Variants in DCAF1 observed in about 807,000 individuals in gnomAD.
The protein encoded by DCAF1 is DDB1- and CUL4-associated factor 1.
Under a neutral mutation model 128.0 loss-of-function variants are expected in DCAF1, and 15 were observed. That is an observed-to-expected ratio of 0.12 (90% CI 0.08 to 0.18). The LOEUF (loss-of-function observed/expected upper bound fraction) is 0.18, where lower values mean the gene tolerates loss of function less well. DCAF1 is among the 10% of genes least tolerant of loss of function. The pLI is 1.00. For missense variants in DCAF1, 988 were observed against 1,649.5 expected, an observed-to-expected ratio of 0.60 and a Z score of 6.95; for synonymous variants, 610 against 603.0, an observed-to-expected ratio of 1.01 and a Z score of -0.17.
In DCAF1 at chr3:51,487,853, TA is replaced by T. The variant is rs1707153993; in HGVS notation, c.-8-4018del. 3.8e-5 allele frequency among the ~76,000 whole-genome samples: 5 copies of T among 130,432 alleles called. No homozygotes were observed. In the South Asian group the frequency reaches 1.2e-3, roughly 30 times the overall value. 85.6% of individuals were successfully genotyped at this position (130,432 alleles called of 152,430 possible). A position where few individuals can be genotyped will look rare whatever the true frequency, so the allele number is the denominator to read the frequency against. ...ACCACGCCCAGCCTACCAAACTATT[TA>T]TTTATTTATTTATTTATTTATTTAT... On this transcript the variant is annotated intron_variant, in intron 2 of 24. Transcript: ENST00000684031.
chr3:51,437,021 G>A (rs545602044), intron 9 of DCAF1, among the ~76,000 whole-genome samples: 21 of 152,242 alleles, frequency 1.4e-4, no homozygotes, highest in African/African-American at 5.1e-4. Flanking sequence ...CCAGCACTTT[G>A]GGAGGCTGAG....
chr3:51,453,902 G>A lies in DCAF1; in HGVS notation c.375+9212C>T, dbSNP rs541095445. Among the ~76,000 whole-genome samples, 392 of 151,132 alleles carry A rather than the reference G, an allele frequency of 2.6e-3. 1 individual carries two copies. Among genetic ancestry groups the A allele is most frequent in the Admixed American group, 6.0e-3 (91 of 15,154 alleles). ...CGGGAGGCAGAGGTTGCAGTGGCCCGAGATCGCGCCACTGCCTCCAGCCTG... is the reference window on the plus strand; with the variant it reads ...CGGGAGGCAGAGGTTGCAGTGGCCCAAGATCGCGCCACTGCCTCCAGCCTG... On this transcript the variant is annotated intron_variant, in intron 6 of 24. Transcript: ENST00000684031.
At chr3:51,429,894 A>C in intron 11 of DCAF1, 139 bp downstream of exon 11, 2 of 594,508 alleles carry the variant, frequency 3.4e-6, no homozygotes, top group South Asian at 4.6e-5. Flanking sequence ...GAAAGGGAAA[A>C]AAAAAAAACT....
chr3:51,503,751 G>T (rs1455884244), upstream of DCAF1, among the ~76,000 whole-genome samples: 2 of 152,142 alleles, frequency 1.3e-5, no homozygotes, highest in Non-Finnish European at 2.9e-5. Context: ...AATGAGGAGA[G>T]GGAACGCCAC....
Position 51,495,256 on chromosome 3 carries a change from A to C in DCAF1, c.-9+1478T>G, listed in dbSNP as rs532257012. ...GGAGAATCGCTTGAACCCGGGAGGC[A>C]GAAGTTGCAGTGAGCCGAGATTGCA... is the stretch of plus-strand genomic sequence containing the variant. On this transcript the variant is annotated intron_variant, in intron 2 of 24. Coordinates refer to ENST00000684031, the MANE Select transcript of DCAF1 (RefSeq NM_001387579.1). Among the ~76,000 whole-genome samples the C allele has an allele frequency of 3.9e-5, 6 of 152,222 alleles. No homozygotes were observed. The South Asian group carries it at 1.0e-3, about 26-fold the overall frequency.
chr3:51,485,607 C>T (rs1706841205), intron 2 of DCAF1, among the ~76,000 whole-genome samples: 1 of 152,190 alleles, frequency 6.6e-6, no homozygotes, highest in African/African-American at 2.4e-5. Flanking sequence ...GAAACAGCAA[C>T]CATTCCATAA....
At chr3:51,497,294 A>G (rs1708330835) in intron 1 of DCAF1, among the ~76,000 whole-genome samples, 1 of 151,300 alleles carries the variant, frequency 6.6e-6, no homozygotes, top group South Asian at 2.1e-4. Flanking sequence ...GACTGTCTCA[A>G]AAAAAATAAA....
chr3:51,414,608 T>C lies in DCAF1; in HGVS notation c.3837+16A>G, dbSNP rs933105699. The C allele has an allele frequency of 1.4e-5, 22 of 1,606,388 alleles. No individual in the cohort carries two copies. The highest frequency in any genetic ancestry group is 1.9e-5 in the Non-Finnish European group (22 of 1,173,828). On this transcript the variant is annotated intron_variant, in intron 19 of 24. Coordinates refer to ENST00000684031, the MANE Select transcript of DCAF1 (RefSeq NM_001387579.1). The stretch of plus-strand genomic sequence containing the variant: ...CAGACAACAAATGGAAGGTAAGACA[T>C]GAGTATAAAGGATACAATCTCAGTA...
intron 13 of DCAF1, among the ~76,000 whole-genome samples, chr3:51,426,632 G>T (rs1476319757): frequency 2.6e-5 from 4 of 152,100 alleles, no homozygotes; most frequent in Non-Finnish European, 4.4e-5. Context: ...AAGGTATCTT[G>T]AAACCAAAAA....
At position 51,413,440 on chromosome 3, in the gene DCAF1, T is replaced by A. The variant is rs1044273801; in HGVS notation, c.3932-54A>T. On this transcript the variant is annotated intron_variant, in intron 20 of 24. Transcript: ENST00000684031. ...ATTAGGAATCACAAACATCCCCTCT[T>A]CACAAGTGCAGAAAATGTTAATGGC... 25 of 1,565,876 alleles carry A rather than the reference T, an allele frequency of 1.6e-5. No homozygotes were observed. The East Asian group carries it at 3.9e-4, about 25-fold the overall frequency.
At chr3:51,474,495 T>C (rs1705188935) in intron 3 of DCAF1, among the ~76,000 whole-genome samples, 1 of 152,176 alleles carries the variant, frequency 6.6e-6, no homozygotes, top group African/African-American at 2.4e-5. Flanking sequence ...TCAAGCTTCA[T>C]AAGTATTTCT....
intron 4 of DCAF1, 67 bp downstream of exon 4, chr3:51,470,862 C>A: frequency 8.4e-7 from 1 of 1,185,644 alleles, no homozygotes; most frequent in Non-Finnish European, 1.2e-6. Context: ...AAAAAAAAGA[C>A]CCTCGCTTTA....
intron 6 of DCAF1, among the ~76,000 whole-genome samples, chr3:51,460,004 G>A (rs1285682024): frequency 6.6e-6 from 1 of 152,154 alleles, no homozygotes; most frequent in African/African-American, 2.4e-5. Flanking sequence ...CACAAGACAG[G>A]GATGCCCTCT....
intron 24 of DCAF1, among the ~76,000 whole-genome samples, chr3:51,402,566 A>ATTTTTTTTTTTTT (rs540396047): frequency 2.4e-5 from 2 of 84,984 alleles, no homozygotes; most frequent in Non-Finnish European, 4.0e-5. Context: ...CCTACAAAGC[A>ATTTTTTTTTTTTT]TTTTTTTTTT....
intron 2 of DCAF1, among the ~76,000 whole-genome samples, chr3:51,489,939 G>A (rs1707440855): frequency 1.3e-5 from 2 of 151,838 alleles, no homozygotes; most frequent in South Asian, 4.1e-4. Flanking sequence ...AAATCCTAAA[G>A]AATCCACATA....
In DCAF1 at chr3:51,441,673, G is replaced by A; in HGVS notation, c.738C>T (p.Gly246=). 1 of 1,613,814 alleles carries A rather than the reference G, an allele frequency of 6.2e-7. No homozygotes were observed. Among genetic ancestry groups the A allele is most frequent in the Non-Finnish European group, 8.5e-7 (1 of 1,179,864 alleles). Reference sequence around the variant, plus strand: ...AGTTCACTCTGCTACTAGTCTTGTGGCCTGAATCAAGATGAAAGGAGATCT... The same window carrying A: ...AGTTCACTCTGCTACTAGTCTTGTGACCTGAATCAAGATGAAAGGAGATCT... ...DMEISFHLDS[G]HKTSSRVNST... Residue 246 remains glycine, a synonymous_variant, in exon 8 of 25, where the codon GGC becomes GGT. Transcript: ENST00000684031.
chr3:51,421,665 T>G (rs1699403215), intron 14 of DCAF1, among the ~76,000 whole-genome samples: 1 of 152,188 alleles, frequency 6.6e-6, no homozygotes, highest in African/African-American at 2.4e-5. Context: ...TTAAGAAAAT[T>G]AAAAACCAAG....
chr3:51,436,501 T>C (rs375296439), intron 9 of DCAF1: 21 of 496,554 alleles, frequency 4.2e-5, no homozygotes, highest in African/African-American at 3.5e-4. Flanking sequence ...AGTAATTTTA[T>C]GCAGCAGGGT....
chr3:51,493,140 T>A (rs1224105996), intron 2 of DCAF1, among the ~76,000 whole-genome samples: 3 of 151,592 alleles, frequency 2.0e-5, no homozygotes, highest in Non-Finnish European at 4.4e-5. Context: ...CTACTAGATA[T>A]ATACCCAAAA....
Sources: gnomAD v4.1 joint callset for allele counts (sites outside exome capture counted in the v4.1 genomes callset) on GRCh38, gnomAD v4.1.1 for gene constraint, MANE v1.5 for transcripts, NCBI Gene and HGNC (gene_info 2026-07-23, HGNC 2026-07-21) for gene names.